Variants in SFMBT1 observed in about 807,000 individuals in gnomAD.
SFMBT1 encodes the protein scm-like with four MBT domains protein 1.
SFMBT1 carries 32 observed loss-of-function variants against 108.7 expected under a neutral mutation model. The ratio of observed to expected loss-of-function variants is 0.29; its 90% CI spans 0.22 to 0.40. The LOEUF (loss-of-function observed/expected upper bound fraction) is 0.40, where lower values mean the gene tolerates loss of function less well. SFMBT1 is among the 10% of genes least tolerant of loss of function. SFMBT1 has a pLI of 1.00. For missense variants in SFMBT1, 816 were observed against 1,059.6 expected (o/e 0.77, Z 3.19); for synonymous variants, 348 against 369.5 (o/e 0.94, Z 0.67).
intron 3 of SFMBT1, among the ~76,000 whole-genome samples, chr3:52,950,716 C>T (rs1271024203): frequency 6.6e-6 from 1 of 152,120 alleles, no homozygotes; most frequent in Non-Finnish European, 1.5e-5. Context: ...TCAGGTGATC[C>T]ACCCGCCATG....
chr3:52,918,965 A>T (rs747899760), intron 12 of SFMBT1, among the ~76,000 whole-genome samples: 12 of 151,982 alleles, frequency 7.9e-5, no homozygotes, highest in Non-Finnish European at 1.5e-4. Context: ...CAGGCATTAG[A>T]TCGTGCAACC....
chr3:53,027,607 T>G (rs1364674236), intron 1 of SFMBT1, among the ~76,000 whole-genome samples: 1 of 152,248 alleles, frequency 6.6e-6, no homozygotes, highest in Non-Finnish European at 1.5e-5. Context: ...ATTCAGTGAT[T>G]CAGTGCCTAC....
At chr3:53,029,565 C>G (rs932273988) in intron 1 of SFMBT1, among the ~76,000 whole-genome samples, 7 of 152,152 alleles carry the variant, frequency 4.6e-5, no homozygotes, top group Admixed American at 3.3e-4. Flanking sequence ...AAAAGAATAC[C>G]ACCCAAATAC....
chr3:52,931,353 T>C (rs758703685), intron 6 of SFMBT1, among the ~76,000 whole-genome samples: 1 of 152,192 alleles, frequency 6.6e-6, no homozygotes, highest in Non-Finnish European at 1.5e-5. Context: ...ACAGTAACTC[T>C]AGAAATACCA....
intron 1 of SFMBT1, among the ~76,000 whole-genome samples, chr3:53,038,419 T>C (rs1469835467): frequency 6.6e-6 from 1 of 152,240 alleles, no homozygotes; most frequent in African/African-American, 2.4e-5. Flanking sequence ...ACATTTACTG[T>C]CTATTCTTCA....
intron 18 of SFMBT1, 57 bp downstream of exon 18, chr3:52,907,498 T>G: frequency 1.9e-6 from 3 of 1,570,314 alleles, no homozygotes; most frequent in Non-Finnish European, 2.6e-6. Context: ...GTGTCCATAC[T>G]ATAAAGCAGT....
In SFMBT1 at chr3:52,904,952, A is replaced by C; in HGVS notation, c.*184T>G. The C allele has an allele frequency of 3.4e-6, 2 of 594,902 alleles. No homozygotes were observed. The allele number at this position is 594,902 out of a possible 1,614,324, so 36.9% of individuals were successfully genotyped here. Reference sequence around the variant, plus strand: ...ATGTCCACATTTCCACCAGCAGGTGATCCACTTCTGTGCACAGTTTTTGCT... The same window carrying C: ...ATGTCCACATTTCCACCAGCAGGTGCTCCACTTCTGTGCACAGTTTTTGCT... On this transcript the variant is annotated 3_prime_UTR_variant, in exon 21 of 21. Coordinates refer to ENST00000394752, the MANE Select transcript of SFMBT1 (RefSeq NM_016329.4).
At chr3:52,920,205 C>A (rs1393970648) in intron 12 of SFMBT1, among the ~76,000 whole-genome samples, 2 of 152,142 alleles carry the variant, frequency 1.3e-5, no homozygotes, top group East Asian at 3.9e-4. Flanking sequence ...AGCTAGAATG[C>A]ACTAAGACAC....
chr3:53,018,953 T>C (rs958735933), intron 1 of SFMBT1: 5 of 152,390 alleles, frequency 3.3e-5, no homozygotes, highest in African/African-American at 1.2e-4. Flanking sequence ...TCTTCTTTTT[T>C]TCCCATCCAC....
At chr3:52,985,486 TTAAG>T (rs934128869) in intron 1 of SFMBT1, among the ~76,000 whole-genome samples, 4 of 152,240 alleles carry the variant, frequency 2.6e-5, no homozygotes, top group African/African-American at 7.2e-5. Flanking sequence ...AGCTTAATAT[TTAAG>T]TGTTTATTAT....
At chr3:52,945,699 C>G (rs572881442) in intron 3 of SFMBT1, among the ~76,000 whole-genome samples, 11 of 150,342 alleles carry the variant, frequency 7.3e-5, no homozygotes, top group Non-Finnish European at 1.5e-4. Flanking sequence ...CCCAGCTACT[C>G]AGGAGACAAA....
chr3:52,943,435 A>C lies in SFMBT1; in HGVS notation c.282T>G (p.Asp94Glu). 6.2e-7 allele frequency: 1 copy of C among 1,614,208 alleles called. No individual in the cohort carries two copies. Among genetic ancestry groups the C allele is most frequent in the Non-Finnish European group, 8.5e-7 (1 of 1,180,028 alleles). ...CAGCCTTCCTGATGTCACACCAGAAATCTGCTCTCCGATCCTCCCCATAGC... is the reference window on the plus strand; with the variant it reads ...CAGCCTTCCTGATGTCACACCAGAACTCTGCTCTCCGATCCTCCCCATAGC... Reference protein sequence around the residue: ...YDGYGEDRRADFWCDIRKADL... With the variant: ...YDGYGEDRRAEFWCDIRKADL... The change falls in exon 4 of 21, where the codon GAT becomes GAG. Residue 94 changes from aspartate (D) to glutamate (E), a missense_variant. Transcript: ENST00000394752.
In SFMBT1 at chr3:52,928,279, C is replaced by T. The variant is rs765908293; in HGVS notation, c.960G>A (p.Arg320=). 1.5e-5 allele frequency: 25 copies of T among 1,613,936 alleles called. No homozygotes were observed. The South Asian group carries it at 2.5e-4, about 16-fold the overall frequency. ...TGTCGGCGTGGCACACAAAGGATCGCCGTGCGTGGTTCTCAGGACGCAAGT... is the reference window on the plus strand; with the variant it reads ...TGTCGGCGTGGCACACAAAGGATCGTCGTGCGTGGTTCTCAGGACGCAAGT... ...MDDLRPENHA[R]RSFVCHADSP... Residue 320 remains arginine, a synonymous_variant, in exon 9 of 21, where the codon CGG becomes CGA. Transcript: ENST00000394752.
chr3:53,019,743 C>T (rs1162410227), intron 1 of SFMBT1, among the ~76,000 whole-genome samples: 2 of 152,162 alleles, frequency 1.3e-5, no homozygotes, highest in African/African-American at 2.4e-5. Flanking sequence ...TCTCCCTTTC[C>T]GCATTTGGAA....
At chr3:52,905,994 A>G (rs1437907554) in intron 20 of SFMBT1, 119 bp downstream of exon 20, 12 of 1,181,720 alleles carry the variant, frequency 1.0e-5, no homozygotes, top group African/African-American at 1.5e-5. Flanking sequence ...GAATTAAGAC[A>G]ATTCTTGTCT....
chr3:52,954,934 C>G (rs1001646115), intron 2 of SFMBT1, among the ~76,000 whole-genome samples: 2 of 151,834 alleles, frequency 1.3e-5, no homozygotes, highest in African/African-American at 4.8e-5. Context: ...TAGAAGAATT[C>G]TGTAGGTACT....
chr3:52,980,618 T>C (rs2106877311), intron 1 of SFMBT1, among the ~76,000 whole-genome samples: 1 of 150,682 alleles, frequency 6.6e-6, no homozygotes, highest in South Asian at 2.1e-4. Context: ...GCTGCCTCCA[T>C]TTCAAGATAA....
intron 1 of SFMBT1, among the ~76,000 whole-genome samples, chr3:53,041,995 G>A (rs183182769): frequency 1.2e-4 from 18 of 152,228 alleles, no homozygotes; most frequent in Admixed American, 5.9e-4. Context: ...TTTATTTTAT[G>A]TTATTCCAAA....
intron 1 of SFMBT1, among the ~76,000 whole-genome samples, chr3:52,983,708 T>C (rs1478013761): frequency 7.9e-5 from 12 of 152,156 alleles, no homozygotes; most frequent in Non-Finnish European, 1.8e-4. Context: ...GCAAAGTCTC[T>C]GAAGTGGGAG....
Sources: allele counts gnomAD v4.1 joint callset (sites outside exome capture counted in the v4.1 genomes callset), GRCh38; gene constraint gnomAD v4.1.1; transcripts MANE v1.5; gene names NCBI Gene and HGNC (gene_info 2026-07-23, HGNC 2026-07-21).